CDH20: variants seen among roughly 807,000 people sequenced by gnomAD.
CDH20 encodes the protein cadherin-20.
In CDH20, 29 loss-of-function variants were observed where a neutral mutation model predicts 74.2. The ratio of observed to expected loss-of-function variants is 0.39; its 90% CI spans 0.29 to 0.53. The LOEUF (loss-of-function observed/expected upper bound fraction) is 0.53. Ranked by LOEUF, CDH20 falls within the 20% of genes least tolerant of loss-of-function variation. The probability of loss-of-function intolerance (pLI) is 0.69; values close to 1 mark genes in which losing one functional copy is unlikely to be tolerated. For missense variants in CDH20, 988 were observed against 1,048.3 expected, an observed-to-expected ratio of 0.94 and a Z score of 0.79; for synonymous variants, 469 against 405.4, an observed-to-expected ratio of 1.16 and a Z score of -1.88.
At chr18:61,479,380 CCTATT>C (rs1345254432) in intron 1 of CDH20, among the ~76,000 whole-genome samples, 21 of 152,224 alleles carry the variant, frequency 1.4e-4, no homozygotes, top group Non-Finnish European at 2.5e-4. Flanking sequence ...TATTGAAATA[CCTATT>C]CTAGATATTA....
At chr18:61,394,014 T>C (rs568526546) in intron 1 of CDH20, among the ~76,000 whole-genome samples, 13 of 152,262 alleles carry the variant, frequency 8.5e-5, no homozygotes, top group Non-Finnish European at 1.6e-4. Flanking sequence ...TCTGATGGCG[T>C]CTCACTTACA....
At chr18:61,473,162 G>C (rs1391380131) in intron 1 of CDH20, among the ~76,000 whole-genome samples, 2 of 152,180 alleles carry the variant, frequency 1.3e-5, no homozygotes, top group Admixed American at 6.5e-5. Flanking sequence ...TGAATGTCTT[G>C]TTTTGAAACA....
At position 61,554,692 on chromosome 18, in the gene CDH20, G is replaced by C. The variant is rs1378075697; in HGVS notation, c.2403G>C (p.Trp801Cys). The C allele has an allele frequency of 5.1e-6, 8 of 1,561,210 alleles. No individual in the cohort carries two copies. The highest frequency in any genetic ancestry group is 6.1e-6 in the Non-Finnish European group (7 of 1,152,762). The part of the protein sequence containing the change: ...YGASEGPAPL[W>C] ...CGTCGGAGGGACCCGCGCCGCTGTG[G>C]TGACGGAAGCCAGGAGGCAGGCGCG... The change falls in exon 12 of 12, where the codon TGG becomes TGC. Residue 801 changes from tryptophan to cysteine, a missense_variant. Trp to Cys is a radical substitution (Grantham distance 215). Coordinates refer to ENST00000262717, the MANE Select transcript of CDH20 (RefSeq NM_031891.4).
At chr18:61,449,545 G>A (rs772239616) in intron 1 of CDH20, among the ~76,000 whole-genome samples, 68 of 152,056 alleles carry the variant, frequency 4.5e-4, no homozygotes, top group Admixed American at 1.4e-3. Flanking sequence ...TATTGTCCAA[G>A]CGAATAGGTG....
At chr18:61,496,623 A>G (rs1489229388) in intron 2 of CDH20, among the ~76,000 whole-genome samples, 1 of 151,800 alleles carries the variant, frequency 6.6e-6, no homozygotes, top group Non-Finnish European at 1.5e-5. Flanking sequence ...TCGTTTCTTA[A>G]AGCGCTTAAA....
chr18:61,472,509 G>A (rs2144384199), intron 1 of CDH20, among the ~76,000 whole-genome samples: 2 of 152,248 alleles, frequency 1.3e-5, no homozygotes, highest in Admixed American at 1.3e-4. Flanking sequence ...CACCACTCAG[G>A]GGCAAGCTCG....
chr18:61,554,166 C>A, intron 11 of CDH20, 24 bp from the exon 12 acceptor site: 1 of 1,594,738 alleles, frequency 6.3e-7, no homozygotes, highest in Non-Finnish European at 8.6e-7. Flanking sequence ...TCGGTAAACA[C>A]ACTCTCCTTT....
intron 1 of CDH20, among the ~76,000 whole-genome samples, chr18:61,365,987 T>C (rs1327474627): frequency 6.6e-6 from 1 of 152,158 alleles, no homozygotes; most frequent in Non-Finnish European, 1.5e-5. Context: ...TTTATCACAT[T>C]AAAAAAGAAC....
At chr18:61,442,642 T>C (rs1909072253) in intron 1 of CDH20, among the ~76,000 whole-genome samples, 1 of 152,220 alleles carries the variant, frequency 6.6e-6, no homozygotes, top group Admixed American at 6.5e-5. Flanking sequence ...CAGACTATTA[T>C]GTGCTTTCAC....
At chr18:61,465,977 T>C (rs1909947468) in intron 1 of CDH20, among the ~76,000 whole-genome samples, 1 of 152,020 alleles carries the variant, frequency 6.6e-6, no homozygotes, top group Non-Finnish European at 1.5e-5. Flanking sequence ...GGAGGATGAC[T>C]TGAGCCCAGG....
chr18:61,490,492 G>GA lies in CDH20; in HGVS notation c.-58dup, dbSNP rs1599120809. On this transcript the variant is annotated 5_prime_UTR_variant, in exon 2 of 12. Transcript: ENST00000262717. Reference sequence around the variant, plus strand: ...AAAACTGTGTATTTTTTTAAATTTGGAAAATACTCAAGTTCCAGTTGCTTA... The same window carrying GA: ...AAAACTGTGTATTTTTTTAAATTTGGAAAAATACTCAAGTTCCAGTTGCTTA... 1 of 1,536,220 alleles carries GA rather than the reference G, an allele frequency of 6.5e-7. No homozygotes were observed. The highest frequency in any genetic ancestry group is 2.3e-5 in the East Asian group (1 of 44,148).
intron 1 of CDH20, among the ~76,000 whole-genome samples, chr18:61,419,919 G>C (rs1366081371): frequency 6.6e-6 from 1 of 152,082 alleles, no homozygotes; most frequent in Non-Finnish European, 1.5e-5. Flanking sequence ...TCTAACAAAA[G>C]AAATGAGCTT....
intron 1 of CDH20, among the ~76,000 whole-genome samples, chr18:61,478,735 C>G (rs992946728): frequency 6.6e-6 from 1 of 151,984 alleles, no homozygotes; most frequent in African/African-American, 2.4e-5. Flanking sequence ...ATATGTAACA[C>G]AGATGAAGGT....
intron 10 of CDH20, 110 bp from the exon 11 acceptor site, chr18:61,549,868 C>G: frequency 8.7e-7 from 1 of 1,144,012 alleles, no homozygotes; most frequent in Admixed American, 2.1e-5. Flanking sequence ...CAGGGAATAT[C>G]TGACTATCCT....
At chr18:61,456,479 G>T (rs1204805576) in intron 1 of CDH20, among the ~76,000 whole-genome samples, 9 of 152,050 alleles carry the variant, frequency 5.9e-5, no homozygotes. Flanking sequence ...TAATAGAGCT[G>T]CTTTTATGTT....
intron 1 of CDH20, among the ~76,000 whole-genome samples, chr18:61,469,395 ACACACACACC>A (rs1417051885): frequency 4.0e-5 from 6 of 150,080 alleles, no homozygotes; most frequent in Admixed American, 1.3e-4. Flanking sequence ...ACACACACAC[ACACACACACC>A]CCTATATAAA....
At chr18:61,348,094 A>G (rs565024886) in intron 1 of CDH20, among the ~76,000 whole-genome samples, 3 of 152,094 alleles carry the variant, frequency 2.0e-5, no homozygotes, top group Admixed American at 6.5e-5. Context: ...GTTATAATTG[A>G]TTTCATTTTT....
intron 1 of CDH20, among the ~76,000 whole-genome samples, chr18:61,410,384 A>T (rs555432581): frequency 3.3e-5 from 5 of 152,256 alleles, no homozygotes; most frequent in African/African-American, 4.8e-5. Context: ...CATGAAAAAC[A>T]TATTAAATAC....
At chr18:61,510,657 C>A (rs745317127) in intron 6 of CDH20, among the ~76,000 whole-genome samples, 2 of 152,258 alleles carry the variant, frequency 1.3e-5, no homozygotes, top group Non-Finnish European at 2.9e-5. Context: ...AGAATTCCAC[C>A]AACCAGAAAT....
Sources: allele counts gnomAD v4.1 joint callset (sites outside exome capture counted in the v4.1 genomes callset), GRCh38; gene constraint gnomAD v4.1.1; transcripts MANE v1.5; gene names NCBI Gene and HGNC (gene_info 2026-07-23, HGNC 2026-07-21).